Variants in DOCK4 observed in about 807,000 individuals in gnomAD.
The protein encoded by DOCK4 is dedicator of cytokinesis 4.
Under a neutral mutation model 268.1 loss-of-function variants are expected in DOCK4, and 97 were observed. The ratio of observed to expected loss-of-function variants is 0.36; its 90% confidence interval spans 0.31 to 0.43. DOCK4 has a LOEUF of 0.43. Among genes scored for constraint, DOCK4 ranks in the 20% least tolerant of loss-of-function variants. DOCK4 has a pLI of 1.00. For missense variants in DOCK4, 2,145 were observed against 2,455.7 expected, an observed-to-expected ratio of 0.87 and a Z score of 2.67; for synonymous variants, 954 against 887.2, an observed-to-expected ratio of 1.08 and a Z score of -1.34.
At chr7:111,962,397 G>A (rs935948698) in intron 8 of DOCK4, among the ~76,000 whole-genome samples, 1 of 152,138 alleles carries the variant, frequency 6.6e-6, no homozygotes, top group Admixed American at 6.5e-5. Context: ...ACCCCATGGG[G>A]AAAGTACTAT....
At chr7:112,171,835 C>T (rs1300053879) in intron 1 of DOCK4, among the ~76,000 whole-genome samples, 1 of 152,188 alleles carries the variant, frequency 6.6e-6, no homozygotes, top group Non-Finnish European at 1.5e-5. Flanking sequence ...TTTATTTTCT[C>T]ACAGTTCTGG....
intron 52 of DOCK4, among the ~76,000 whole-genome samples, chr7:111,729,858 C>A (rs543518375): frequency 1.6e-4 from 24 of 152,306 alleles, no homozygotes; most frequent in Non-Finnish European, 1.5e-4. Flanking sequence ...TGGCAGCCCT[C>A]GGGGCTGTAG....
chr7:111,742,464 C>T (rs1293451901), intron 44 of DOCK4, among the ~76,000 whole-genome samples: 4 of 152,098 alleles, frequency 2.6e-5, no homozygotes, highest in Non-Finnish European at 1.5e-5. Flanking sequence ...CCTTCTCTCC[C>T]CAGGGTGGAG....
chr7:112,135,219 G>A (rs1814211490), intron 1 of DOCK4, among the ~76,000 whole-genome samples: 1 of 151,932 alleles, frequency 6.6e-6, no homozygotes, highest in African/African-American at 2.4e-5. Flanking sequence ...TATGATTAAG[G>A]CTTATTGATA....
chr7:112,148,229 G>C (rs1457549851), intron 1 of DOCK4, among the ~76,000 whole-genome samples: 2 of 152,076 alleles, frequency 1.3e-5, no homozygotes, highest in Non-Finnish European at 2.9e-5. Flanking sequence ...ATTATAATAG[G>C]GATTCCAGTG....
chr7:111,956,302 A>G (rs1274472456), intron 8 of DOCK4, among the ~76,000 whole-genome samples: 2 of 152,210 alleles, frequency 1.3e-5, no homozygotes, highest in Non-Finnish European at 2.9e-5. Context: ...GCAGTTTCTT[A>G]AAAAGGCAGA....
At chr7:112,026,086 G>A (rs953633181) in intron 1 of DOCK4, among the ~76,000 whole-genome samples, 1 of 152,194 alleles carries the variant, frequency 6.6e-6, no homozygotes, top group South Asian at 2.1e-4. Flanking sequence ...CACATAGGAG[G>A]AGCTTAATAA....
intron 52 of DOCK4, among the ~76,000 whole-genome samples, chr7:111,730,291 G>A (rs1028751022): frequency 5.3e-5 from 8 of 152,160 alleles, no homozygotes; most frequent in Non-Finnish European, 7.4e-5. Flanking sequence ...TAGAATAAAG[G>A]AATACAAATA....
chr7:111,939,067 C>T (rs191057043), intron 11 of DOCK4, among the ~76,000 whole-genome samples: 185 of 151,836 alleles, frequency 1.2e-3, no homozygotes, highest in African/African-American at 4.8e-4. Context: ...CAGAGTGACG[C>T]GTCTACAAGC....
chr7:111,994,943 A>G (rs982829298), intron 4 of DOCK4, among the ~76,000 whole-genome samples: 2 of 152,118 alleles, frequency 1.3e-5, no homozygotes, highest in African/African-American at 4.8e-5. Flanking sequence ...ATCCTTGGAA[A>G]ATATTTATAT....
chr7:111,839,960 T>A (rs910424332), intron 25 of DOCK4, among the ~76,000 whole-genome samples: 6 of 152,172 alleles, frequency 3.9e-5, no homozygotes, highest in African/African-American at 1.2e-4. Flanking sequence ...TTTAAGATAT[T>A]TTAAGAATGT....
intron 1 of DOCK4, among the ~76,000 whole-genome samples, chr7:112,006,626 C>T (rs942665814): frequency 2.0e-5 from 3 of 152,144 alleles, no homozygotes; most frequent in African/African-American, 7.2e-5. Context: ...CTCTATAAAA[C>T]AAAGGAGCTA....
chr7:112,005,657 C>G (rs1010499952), intron 1 of DOCK4, among the ~76,000 whole-genome samples: 3 of 152,072 alleles, frequency 2.0e-5, no homozygotes, highest in African/African-American at 4.8e-5. Flanking sequence ...GACTTCAAGC[C>G]AAACTTATAC....
At chr7:111,885,807 A>T (rs2134317548) in intron 16 of DOCK4, among the ~76,000 whole-genome samples, 1 of 152,262 alleles carries the variant, frequency 6.6e-6, no homozygotes, top group East Asian at 1.9e-4. Flanking sequence ...GGCCAGAGAG[A>T]TGTGCTCCCT....
intron 6 of DOCK4, among the ~76,000 whole-genome samples, chr7:111,988,554 AG>A (rs1799235274): frequency 1.3e-5 from 2 of 152,314 alleles, no homozygotes; most frequent in African/African-American, 4.8e-5. Context: ...CAATAATAAA[AG>A]GCCCCACCAG....
intron 51 of DOCK4, among the ~76,000 whole-genome samples, chr7:111,733,603 T>G (rs1795265624): frequency 6.6e-6 from 1 of 152,216 alleles, no homozygotes; most frequent in Non-Finnish European, 1.5e-5. Context: ...CTCTTCCTCC[T>G]GACTCAGGCA....
intron 30 of DOCK4, among the ~76,000 whole-genome samples, chr7:111,797,950 G>C (rs1008100923): frequency 2.0e-5 from 3 of 152,178 alleles, no homozygotes; most frequent in Non-Finnish European, 4.4e-5. Context: ...TAGCACCTTA[G>C]AAAGTCTCCT....
intron 1 of DOCK4, among the ~76,000 whole-genome samples, chr7:112,188,247 C>T (rs933007133): frequency 1.3e-5 from 2 of 152,208 alleles, no homozygotes; most frequent in Non-Finnish European, 2.9e-5. Context: ...CAAACCAAAA[C>T]ATTTCAGATA....
chr7:111,778,156 T>A (rs904293352), intron 36 of DOCK4, 120 bp downstream of exon 36: 1 of 624,048 alleles, frequency 1.6e-6, no homozygotes, highest in Non-Finnish European at 2.7e-6. Context: ...CAATTAAAAA[T>A]AAATTTTAAT....
Sources: gnomAD v4.1 joint callset for allele counts (sites outside exome capture counted in the v4.1 genomes callset) on GRCh38, gnomAD v4.1.1 for gene constraint, MANE v1.5 for transcripts, NCBI Gene and HGNC (gene_info 2026-07-23, HGNC 2026-07-21) for gene names.